RTL4: variants seen among roughly 807,000 people sequenced by gnomAD.
RTL4 encodes the protein retrotransposon Gag-like protein 4.
In RTL4, 4 loss-of-function variants were observed where a neutral mutation model predicts 5.3. The observed-to-expected ratio is 0.75, with a 90% CI of 0.37 to 1.72. The LOEUF is 1.72. RTL4 is among the 40% of genes most tolerant of loss of function. The pLI is 0.04. For missense variants in RTL4, 260 were observed against 227.1 expected, an observed-to-expected ratio of 1.14 and a Z score of -0.93; for synonymous variants, 98 against 87.3, an observed-to-expected ratio of 1.12 and a Z score of -0.68.
chrX:112,423,895 C>G, the RTL4 span, among the ~76,000 whole-genome samples: 2 of 111,696 alleles, frequency 1.8e-5, no homozygotes, highest in Non-Finnish European at 3.8e-5. Flanking sequence ...ACTTAACATC[C>G]TACCTATCTA....
At chrX:112,137,025 T>C in the RTL4 span, among the ~76,000 whole-genome samples, 1 of 111,281 alleles carries the variant, frequency 9.0e-6, no homozygotes, top group African/African-American at 3.3e-5. Context: ...TATATCAAAC[T>C]AAAATGCTCT....
the RTL4 span, among the ~76,000 whole-genome samples, chrX:112,109,777 A>G: frequency 9.0e-6 from 1 of 111,180 alleles, no homozygotes; most frequent in African/African-American, 3.3e-5. Flanking sequence ...AGGACACCCC[A>G]ACTGCTGCTG....
At chrX:112,228,571 C>G in the RTL4 span, among the ~76,000 whole-genome samples, 2 of 111,904 alleles carry the variant, frequency 1.8e-5, no homozygotes, top group Non-Finnish European at 3.8e-5. Flanking sequence ...GCTCCCTTAT[C>G]AAATTTCCAG....
At chrX:112,263,447 G>C in the RTL4 span, among the ~76,000 whole-genome samples, 1 of 111,283 alleles carries the variant, frequency 9.0e-6, no homozygotes, top group Non-Finnish European at 1.9e-5. Flanking sequence ...AAGAAAGAGA[G>C]AGAGCAATGT....
the RTL4 span, among the ~76,000 whole-genome samples, chrX:112,336,712 T>C: frequency 1.8e-5 from 2 of 112,198 alleles, no homozygotes; most frequent in Non-Finnish European, 3.8e-5. Context: ...GCCACTCTAC[T>C]GGACAGCACA....
At chrX:112,341,682 T>C in the RTL4 span, among the ~76,000 whole-genome samples, 1 of 111,859 alleles carries the variant, frequency 8.9e-6, no homozygotes, top group Admixed American at 9.5e-5. Context: ...TCCAGTTCCT[T>C]ATAAGATTCC....
the RTL4 span, among the ~76,000 whole-genome samples, chrX:112,300,550 T>G: frequency 3.6e-5 from 4 of 112,244 alleles, no homozygotes; most frequent in African/African-American, 1.3e-4. Context: ...TGAGCATGCA[T>G]GTATAGATGT....
chrX:112,405,916 T>C, the RTL4 span, among the ~76,000 whole-genome samples: 1 of 110,705 alleles, frequency 9.0e-6, no homozygotes, highest in African/African-American at 3.3e-5. Context: ...TTTTGTCCCC[T>C]GGGGAGGGGA....
the RTL4 span, among the ~76,000 whole-genome samples, chrX:112,313,054 G>C: frequency 0.015 from 1,621 of 111,075 alleles, 14 homozygotes; most frequent in African/African-American, 0.051. Context: ...GTGGGAAGTT[G>C]ATTGCAAACA....
the RTL4 span, among the ~76,000 whole-genome samples, chrX:112,385,255 GA>G: frequency 9.1e-6 from 1 of 110,433 alleles, no homozygotes; most frequent in Non-Finnish European, 1.9e-5. Flanking sequence ...TGCACTTGAA[GA>G]AACCTTGTCT....
chrX:112,335,874 G>A, the RTL4 span, among the ~76,000 whole-genome samples: 1 of 108,274 alleles, frequency 9.2e-6, no homozygotes, highest in African/African-American at 3.4e-5. Flanking sequence ...TCAGAGTCTC[G>A]CTCTGTCCAC....
At chrX:112,326,910 C>A in the RTL4 span, among the ~76,000 whole-genome samples, 2 of 111,381 alleles carry the variant, frequency 1.8e-5, no homozygotes, top group East Asian at 5.7e-4. Context: ...ACACCTCACA[C>A]GGCCAGGTAC....
At chrX:112,236,412 T>TCTATATCTATATATAGATATAGAG in the RTL4 span, among the ~76,000 whole-genome samples, 1 of 59,971 alleles carries the variant, frequency 1.7e-5, no homozygotes, top group African/African-American at 6.7e-5. Context: ...TAGATATAGA[T>TCTATATCTATATATAGATATAGAG]CTATATCTAT....
chrX:112,161,276 G>A, the RTL4 span, among the ~76,000 whole-genome samples: 1 of 111,726 alleles, frequency 9.0e-6, no homozygotes, highest in Non-Finnish European at 1.9e-5. Context: ...CTATGTGGTG[G>A]TGTATGTAAA....
At chrX:112,178,521 T>C in the RTL4 span, among the ~76,000 whole-genome samples, 1,213 of 111,907 alleles carry the variant, frequency 0.011, 15 homozygotes, top group African/African-American at 0.037. Flanking sequence ...GAGTGAAGGG[T>C]GTTTGTGAAG....
the RTL4 span, among the ~76,000 whole-genome samples, chrX:112,168,558 G>T: frequency 8.9e-6 from 1 of 111,745 alleles, no homozygotes; most frequent in Non-Finnish European, 1.9e-5. Flanking sequence ...CCAAGATGGT[G>T]ATGAAAGTGA....
At chrX:112,144,482 A>T in the RTL4 span, among the ~76,000 whole-genome samples, 1 of 111,195 alleles carries the variant, frequency 9.0e-6, no homozygotes, top group East Asian at 2.9e-4. Context: ...TACTGCATGT[A>T]TGGGGATCAT....
chrX:112,378,097 G>A, the RTL4 span, among the ~76,000 whole-genome samples: 1 of 111,501 alleles, frequency 9.0e-6, no homozygotes, highest in Non-Finnish European at 1.9e-5. Flanking sequence ...GAGGGCACAA[G>A]TAAGCTGCAC....
chrX:112,455,146 AC>A lies in RTL4; in HGVS notation c.419del (p.Thr140LysfsTer8), dbSNP rs1456194532. 2.5e-6 allele frequency: 3 copies of A among 1,211,946 alleles called. No homozygotes were observed. Among genetic ancestry groups the A allele is most frequent in the Non-Finnish European group, 3.3e-6 (3 of 895,582 alleles). ...GTTCCAGCAGTCATTTGGTAAACCCACAAAACAGGAAATCAATCCTCTGATG... is the reference window on the plus strand; with the variant it reads ...GTTCCAGCAGTCATTTGGTAAACCCAAAAACAGGAAATCAATCCTCTGATG... On this transcript the variant is annotated frameshift_variant, in exon 1 of 1. Transcript: ENST00000340433. LOFTEE classifies it low-confidence loss of function (END_TRUNC).
Sources: allele counts gnomAD v4.1 joint callset (sites outside exome capture counted in the v4.1 genomes callset), GRCh38; gene constraint gnomAD v4.1.1; transcripts MANE v1.5; gene names NCBI Gene and HGNC (gene_info 2026-07-23, HGNC 2026-07-21).